Variants in PDE4B observed in about 807,000 individuals in gnomAD.
The protein encoded by PDE4B is phosphodiesterase 4B.
PDE4B carries 20 observed loss-of-function variants against 82.2 expected under a neutral mutation model. That is an observed-to-expected ratio of 0.24 (90% CI 0.17 to 0.35). The LOEUF (loss-of-function observed/expected upper bound fraction) is 0.35. PDE4B is among the 10% of genes least tolerant of loss of function. PDE4B has a pLI of 1.00. For synonymous variants in PDE4B, 320 were observed against 318.9 expected, an observed-to-expected ratio of 1.00 and a Z score of -0.04; for missense variants, 655 against 907.2, an observed-to-expected ratio of 0.72 and a Z score of 3.57.
At chr1:66,010,796 A>T (rs1261514836) in intron 3 of PDE4B, among the ~76,000 whole-genome samples, 1 of 147,054 alleles carries the variant, frequency 6.8e-6, no homozygotes, top group Non-Finnish European at 1.5e-5. Flanking sequence ...ACAATATTGC[A>T]TGTGATATTT....
intron 3 of PDE4B, among the ~76,000 whole-genome samples, chr1:66,095,940 A>G (rs987023024): frequency 6.6e-6 from 1 of 151,890 alleles, no homozygotes; most frequent in Non-Finnish European, 1.5e-5. Flanking sequence ...ACATAATGAT[A>G]TTTCAATACA....
chr1:65,825,515 G>C (rs937962504), intron 1 of PDE4B, among the ~76,000 whole-genome samples: 2 of 152,054 alleles, frequency 1.3e-5, no homozygotes, highest in African/African-American at 4.8e-5. Context: ...TGTTGAAAGA[G>C]TCTACTATCC....
At chr1:66,298,704 C>A (rs2101831719) in intron 7 of PDE4B, among the ~76,000 whole-genome samples, 1 of 152,190 alleles carries the variant, frequency 6.6e-6, no homozygotes, top group Non-Finnish European at 1.5e-5. Context: ...CACTTGACAT[C>A]TTTTTTAGTT....
intron 3 of PDE4B, among the ~76,000 whole-genome samples, chr1:66,034,401 A>C (rs949645771): frequency 6.6e-6 from 1 of 152,222 alleles, no homozygotes; most frequent in African/African-American, 2.4e-5. Context: ...AAAAAGAACT[A>C]TCAGTTCTAA....
intron 3 of PDE4B, among the ~76,000 whole-genome samples, chr1:66,188,702 T>A (rs1332158144): frequency 6.6e-6 from 1 of 151,748 alleles, no homozygotes; most frequent in African/African-American, 2.4e-5. Flanking sequence ...TCTTCCTCCA[T>A]GCCTTTATTT....
At chr1:66,287,468 T>C (rs999017784) in intron 7 of PDE4B, among the ~76,000 whole-genome samples, 6 of 152,130 alleles carry the variant, frequency 3.9e-5, no homozygotes, top group African/African-American at 1.4e-4. Flanking sequence ...CTAGCAAAGT[T>C]AACTTCTGAG....
At chr1:66,257,614 T>C (rs749546762) in intron 4 of PDE4B, 33 bp from the exon 5 acceptor site, 1 of 1,595,314 alleles carries the variant, frequency 6.3e-7, no homozygotes, top group Admixed American at 1.7e-5. Context: ...TTCAAGTAAA[T>C]TTCTAAAGGT....
chr1:66,363,129 T>G (rs1384768670), intron 10 of PDE4B, 39 bp from the exon 11 acceptor site: 1 of 1,415,182 alleles, frequency 7.1e-7, no homozygotes, highest in East Asian at 2.3e-5. Context: ...TTAGCACAAC[T>G]TTCCTTATTC....
intron 3 of PDE4B, among the ~76,000 whole-genome samples, chr1:66,203,017 T>C (rs1269751496): frequency 3.3e-5 from 5 of 152,106 alleles, no homozygotes; most frequent in Non-Finnish European, 5.9e-5. Context: ...AGTGCTTCCT[T>C]CAGGAGCTCT....
At chr1:65,974,830 GC>G (rs1650326057) in intron 3 of PDE4B, among the ~76,000 whole-genome samples, 1 of 152,162 alleles carries the variant, frequency 6.6e-6, no homozygotes, top group African/African-American at 2.4e-5. Flanking sequence ...TCCTAGCCAT[GC>G]TTCCTGTACA....
intron 8 of PDE4B, among the ~76,000 whole-genome samples, chr1:66,340,015 A>G (rs776419665): frequency 1.3e-5 from 2 of 152,336 alleles, no homozygotes; most frequent in East Asian, 1.9e-4. Context: ...GATAGCTCAG[A>G]CATCTGGAAG....
At chr1:65,899,794 A>G (rs2100417015) in intron 1 of PDE4B, among the ~76,000 whole-genome samples, 1 of 152,014 alleles carries the variant, frequency 6.6e-6, no homozygotes, top group Non-Finnish European at 1.5e-5. Flanking sequence ...AAAACCAAAC[A>G]TCATACGTTC....
intron 3 of PDE4B, among the ~76,000 whole-genome samples, chr1:66,225,741 A>G (rs200217077): frequency 1.3e-5 from 2 of 152,226 alleles, no homozygotes; most frequent in East Asian, 1.9e-4. Flanking sequence ...AACTTTGTAA[A>G]TTATACTGTT....
chr1:65,912,776 C>G (rs1647110928), intron 1 of PDE4B, among the ~76,000 whole-genome samples: 1 of 151,774 alleles, frequency 6.6e-6, no homozygotes, highest in African/African-American at 2.4e-5. Flanking sequence ...CAGTATAAAG[C>G]AGTCATATTC....
chr1:65,820,245 G>A (rs1042421656), intron 1 of PDE4B, among the ~76,000 whole-genome samples: 2 of 152,112 alleles, frequency 1.3e-5, no homozygotes, highest in African/African-American at 4.8e-5. Context: ...TAGAAATAGA[G>A]AAGGAAAGAA....
chr1:65,808,015 G>A (rs1488980101), intron 1 of PDE4B, among the ~76,000 whole-genome samples: 1 of 152,064 alleles, frequency 6.6e-6, no homozygotes, highest in Admixed American at 6.6e-5. Flanking sequence ...TAGTGTCTGC[G>A]TGAATACAGA....
chr1:65,904,238 T>A (rs1201960133), intron 1 of PDE4B, among the ~76,000 whole-genome samples: 1 of 152,166 alleles, frequency 6.6e-6, no homozygotes, highest in East Asian at 1.9e-4. Flanking sequence ...GGTGGACAAT[T>A]TTTTGAAGTC....
chr1:66,072,604 G>A (rs1427512781), intron 3 of PDE4B, among the ~76,000 whole-genome samples: 1 of 152,082 alleles, frequency 6.6e-6, no homozygotes. Flanking sequence ...GAATCTTGGT[G>A]CCTATACAAT....
chr1:66,242,728 T>G (rs577268083), intron 3 of PDE4B, among the ~76,000 whole-genome samples: 51 of 149,914 alleles, frequency 3.4e-4, no homozygotes, highest in African/African-American at 1.1e-3. Flanking sequence ...CTTGTGGCTC[T>G]TTTCTTTATC....
Sources: gnomAD v4.1 joint callset for allele counts (sites outside exome capture counted in the v4.1 genomes callset) on GRCh38, gnomAD v4.1.1 for gene constraint, MANE v1.5 for transcripts, NCBI Gene and HGNC (gene_info 2026-07-23, HGNC 2026-07-21) for gene names.